Variants in CRB1 observed in about 807,000 individuals in gnomAD.
CRB1 encodes crumbs cell polarity complex component 1.
Under a neutral mutation model 120.0 loss-of-function variants are expected in CRB1, and 83 were observed. That is an observed-to-expected ratio of 0.69 (90% CI 0.58 to 0.83). The LOEUF (loss-of-function observed/expected upper bound fraction) is 0.83, where lower values mean the gene tolerates loss of function less well. Ranked by LOEUF, CRB1 falls within the 40% of genes least tolerant of loss-of-function variation. CRB1 has a pLI of 0.00. For missense variants in CRB1, 1,699 were observed against 1,687.6 expected, an observed-to-expected ratio of 1.01 and a Z score of -0.12; for synonymous variants, 625 against 612.5, an observed-to-expected ratio of 1.02 and a Z score of -0.30.
intron 2 of CRB1, 48 bp downstream of exon 2, chr1:197,329,051 T>A: frequency 6.6e-7 from 1 of 1,506,030 alleles, no homozygotes; most frequent in Admixed American, 1.7e-5. Flanking sequence ...TAGCTCTTTC[T>A]AAGTGGCAGA....
intron 5 of CRB1, among the ~76,000 whole-genome samples, chr1:197,365,156 C>A (rs1041955965): frequency 6.6e-6 from 1 of 152,150 alleles, no homozygotes; most frequent in African/African-American, 2.4e-5. Flanking sequence ...TTGGGCCTCC[C>A]AGGATCTCTA....
At position 197,461,305 on chromosome 1, in the gene CRB1, A is replaced by G. The variant is rs983884056; in HGVS notation, c.4006-16359A>G. On this transcript the variant is annotated intron_variant, in intron 11 of 11. Transcript: ENST00000367400. ...CATGATTAGTCTTCTGCCTTGAAACAGAAAAGGAGTATTTCATAGGATTCC... is the reference window on the plus strand; with the variant it reads ...CATGATTAGTCTTCTGCCTTGAAACGGAAAAGGAGTATTTCATAGGATTCC... Among the ~76,000 whole-genome samples the G allele has an allele frequency of 2.6e-5, 4 of 152,276 alleles. No homozygotes were observed. The South Asian group carries it at 8.3e-4, about 32-fold the overall frequency.
intron 1 of CRB1, among the ~76,000 whole-genome samples, chr1:197,276,557 A>G (rs1443423882): frequency 1.3e-5 from 2 of 152,028 alleles, no homozygotes; most frequent in South Asian, 4.2e-4. Flanking sequence ...TAAGTAAATT[A>G]TGTAATTGTG....
intron 1 of CRB1, among the ~76,000 whole-genome samples, chr1:197,289,984 T>C (rs1656073691): frequency 6.6e-6 from 1 of 151,754 alleles, no homozygotes; most frequent in Admixed American, 6.6e-5. Context: ...TATTTTTATC[T>C]AGTTATATAA....
intron 1 of CRB1, among the ~76,000 whole-genome samples, chr1:197,272,998 G>C (rs569829902): frequency 6.6e-6 from 1 of 152,128 alleles, no homozygotes; most frequent in South Asian, 2.1e-4. Flanking sequence ...TCTCACAGAA[G>C]GGGTTGGGGA....
At position 197,427,874 on chromosome 1, in the gene CRB1, G is replaced by A. The variant is rs757137398; in HGVS notation, c.2549G>A (p.Gly850Asp). ...ETELNGGFFK[G>D]CIQDVRLNNQ... ...GAACTTAATGGTGGATTCTTCAAAGGCTGTATCCAAGATGTAAGACTAAAC... is the reference window on the plus strand; with the variant it reads ...GAACTTAATGGTGGATTCTTCAAAGACTGTATCCAAGATGTAAGACTAAAC... Residue 850 changes from glycine to aspartate, a missense_variant, in exon 7 of 12, where the codon GGC becomes GAC. Transcript: ENST00000367400. 1.2e-6 allele frequency: 2 copies of A among 1,613,984 alleles called. No homozygotes were observed. Among genetic ancestry groups the A allele is most frequent in the South Asian group, 1.1e-5 (1 of 91,084 alleles).
At chr1:197,460,359 C>A (rs781176663) in intron 11 of CRB1, among the ~76,000 whole-genome samples, 7 of 151,976 alleles carry the variant, frequency 4.6e-5, no homozygotes, top group Non-Finnish European at 1.0e-4. Context: ...TTGGTTTGAA[C>A]ATTTCTGTGA....
At chr1:197,310,676 AAAG>A (rs1387161453) in intron 1 of CRB1, among the ~76,000 whole-genome samples, 2 of 152,232 alleles carry the variant, frequency 1.3e-5, no homozygotes, top group Non-Finnish European at 2.9e-5. Context: ...AGTGAATAAA[AAAG>A]AAGTTACATA....
chr1:197,358,914 C>T (rs1176610640), intron 5 of CRB1, among the ~76,000 whole-genome samples: 1 of 152,164 alleles, frequency 6.6e-6, no homozygotes, highest in Non-Finnish European at 1.5e-5. Context: ...ACCAATTTGA[C>T]ACAATAGCTA....
chr1:197,345,736 G>T (rs1659732527), intron 3 of CRB1, among the ~76,000 whole-genome samples: 1 of 152,058 alleles, frequency 6.6e-6, no homozygotes, highest in Non-Finnish European at 1.5e-5. Flanking sequence ...TCGAACTCCT[G>T]ACCGCAGGTG....
chr1:197,428,133 C>T, intron 7 of CRB1, 132 bp downstream of exon 7: 1 of 806,560 alleles, frequency 1.2e-6, no homozygotes, highest in Non-Finnish European at 2.0e-6. Flanking sequence ...AATAATATTT[C>T]ATCTATATTG....
chr1:197,268,321 C>A lies in CRB1; in HGVS notation c.-92C>A. 1.1e-6 allele frequency: 1 copy of A among 913,640 alleles called. No individual in the cohort carries two copies. Among genetic ancestry groups the A allele is most frequent in the Non-Finnish European group, 1.8e-6 (1 of 542,320 alleles). 56.6% of individuals were successfully genotyped at this position (913,640 alleles called of 1,614,324 possible). ...GAGATGGCACCTGGGGGTTCTGAGG[C>A]ACCCGCTCCTCTCTGAGACAGACAG... is the stretch of plus-strand genomic sequence containing the variant. On this transcript the variant is annotated 5_prime_UTR_variant, in exon 1 of 12. Transcript: ENST00000367400.
chr1:197,477,556 G>C (rs1403297378), intron 11 of CRB1, 108 bp from the exon 12 acceptor site: 2 of 922,952 alleles, frequency 2.2e-6, no homozygotes, highest in Non-Finnish European at 3.5e-6. Context: ...AGTACTGAGT[G>C]GTACCAGCTT....
chr1:197,417,546 G>A (rs1664069538), intron 5 of CRB1, among the ~76,000 whole-genome samples: 1 of 152,190 alleles, frequency 6.6e-6, no homozygotes, highest in Non-Finnish European at 1.5e-5. Flanking sequence ...CAATAGCAAA[G>A]GGGTTGAGGA....
At chr1:197,404,213 GCT>G (rs1445146664) in intron 5 of CRB1, among the ~76,000 whole-genome samples, 1 of 152,058 alleles carries the variant, frequency 6.6e-6, no homozygotes, top group Non-Finnish European at 1.5e-5. Flanking sequence ...CCATCAGCTG[GCT>G]CTCTCATTAG....
intron 5 of CRB1, among the ~76,000 whole-genome samples, chr1:197,394,726 T>C (rs1027329645): frequency 1.3e-5 from 2 of 152,066 alleles, no homozygotes; most frequent in African/African-American, 4.8e-5. Context: ...TTTATTAAAG[T>C]CACTTTCAAC....
intron 1 of CRB1, among the ~76,000 whole-genome samples, chr1:197,311,794 A>C (rs1339532903): frequency 4.0e-5 from 6 of 151,586 alleles, no homozygotes; most frequent in African/African-American, 1.5e-4. Flanking sequence ...AGTATATAAT[A>C]CACTATTAAT....
intron 11 of CRB1, among the ~76,000 whole-genome samples, chr1:197,458,336 C>T (rs1418501650): frequency 6.6e-6 from 1 of 151,958 alleles, no homozygotes; most frequent in Non-Finnish European, 1.5e-5. Flanking sequence ...CCCAAAAGTG[C>T]CATTAAGAAC....
At chr1:197,432,357 AACACACACACACACACAC>A (rs35921087) in intron 8 of CRB1, among the ~76,000 whole-genome samples, 11 of 139,770 alleles carry the variant, frequency 7.9e-5, no homozygotes, top group African/African-American at 1.6e-4. Flanking sequence ...ACCTGGTTGA[AACACACACACACACACAC>A]ACACACACAC....
Sources: allele counts gnomAD v4.1 joint callset (sites outside exome capture counted in the v4.1 genomes callset), GRCh38; gene constraint gnomAD v4.1.1; transcripts MANE v1.5; gene names NCBI Gene and HGNC (gene_info 2026-07-23, HGNC 2026-07-21).